Variants in SHKBP1 observed in about 807,000 individuals in gnomAD.
The protein encoded by SHKBP1 is SH3KBP1 binding protein 1, also known as SH3KBP1-binding protein 1.
Under a neutral mutation model 83.9 loss-of-function variants are expected in SHKBP1, and 71 were observed. That is an observed-to-expected ratio of 0.85 (90% CI 0.70 to 1.03). SHKBP1 has a LOEUF of 1.03. SHKBP1 is among the 50% of genes least tolerant of loss of function. SHKBP1 has a pLI of 0.00. For missense variants in SHKBP1, 824 were observed against 982.4 expected, an observed-to-expected ratio of 0.84 and a Z score of 2.16; for synonymous variants, 371 against 398.0, an observed-to-expected ratio of 0.93 and a Z score of 0.81.
Position 40,591,110 on chromosome 19 carries a change from A to G in SHKBP1, c.2027A>G (p.Asp676Gly). ...CAGGAACTGGTGCGGAGTGGGCCAG[A>G]CCTCCGACGGCCACCCACACCAGCC... ...RCQELVRSGP[D>G]LRRPPTPAPW... Residue 676 changes from aspartate (D) to glycine (G), a missense_variant, in exon 18 of 18, where the codon GAC (aspartate) becomes GGC (glycine). Physicochemically the swap from Asp to Gly is moderately conservative, Grantham distance 94. Around this residue, in one of 3 missense-constraint regions of SHKBP1, gnomAD observed 287 missense variants for 322.9 expected, o/e 0.89. Coordinates refer to ENST00000291842, the MANE Select transcript of SHKBP1 (RefSeq NM_138392.4). 1 of 1,609,178 alleles carries G rather than the reference A, an allele frequency of 6.2e-7. No individual in the cohort carries two copies. Among genetic ancestry groups the G allele is most frequent in the Non-Finnish European group, 8.5e-7 (1 of 1,176,520 alleles).
chr19:40,577,726 T>C lies in SHKBP1; in HGVS notation c.260+96T>C, dbSNP rs746286951. 2.1e-5 allele frequency: 30 copies of C among 1,420,860 alleles called. No individual in the cohort carries two copies. The African/African-American group carries it at 4.1e-4, about 19-fold the overall frequency. The allele number at this position is 1,420,860 out of a possible 1,614,324, so 88.0% of individuals were successfully genotyped here. Reference sequence around the variant, plus strand: ...AATGTCCACGTGAGCTCCATTCTATTAGAATTCTCATTCAGAACCTTGATC... The same window carrying C: ...AATGTCCACGTGAGCTCCATTCTATCAGAATTCTCATTCAGAACCTTGATC... On this transcript the variant is annotated intron_variant, in intron 4 of 17. Transcript: ENST00000291842.
chr19:40,584,856 A>G (rs1005149325), intron 12 of SHKBP1, among the ~76,000 whole-genome samples: 38 of 152,168 alleles, frequency 2.5e-4, no homozygotes, highest in Admixed American at 1.7e-3. Context: ...TCCTATACCT[A>G]TGGATTTGCC....
chr19:40,589,274 GC>G, intron 15 of SHKBP1, 96 bp downstream of exon 15: 1 of 1,245,662 alleles, frequency 8.0e-7, no homozygotes, highest in Non-Finnish European at 1.1e-6. Flanking sequence ...GATCACTGAG[GC>G]CAGAAAGGGG....
intron 10 of SHKBP1, 56 bp from the exon 11 acceptor site, chr19:40,583,342 C>T (rs538517557): frequency 4.7e-5 from 68 of 1,440,596 alleles, no homozygotes; most frequent in South Asian, 2.8e-4. Flanking sequence ...GGGGTCACCA[C>T]GGAAGGAAAG....
chr19:40,577,488 G>C (rs763398064), intron 3 of SHKBP1, 47 bp downstream of exon 3: 2 of 1,614,012 alleles, frequency 1.2e-6, no homozygotes, highest in South Asian at 2.2e-5. Flanking sequence ...GGGGTTGGTA[G>C]GAAGAGGGGC....
chr19:40,588,218 C>A (rs892673350), intron 13 of SHKBP1, among the ~76,000 whole-genome samples: 3 of 152,114 alleles, frequency 2.0e-5, no homozygotes, highest in Non-Finnish European at 2.9e-5. Context: ...ATGGAGGTGA[C>A]AAGGGCAGGA....
rs1225890960 is a variant in SHKBP1 at position 40,582,342 on chromosome 19, C to T, written c.845-9C>T. 8 of 1,611,622 alleles carry T rather than the reference C, an allele frequency of 5.0e-6. No individual in the cohort carries two copies. In the South Asian group the frequency reaches 6.6e-5, roughly 13 times the overall value. On this transcript the variant is annotated splice_polypyrimidine_tract_variant and intron_variant, in intron 9 of 17. Coordinates refer to ENST00000291842, the MANE Select transcript of SHKBP1 (RefSeq NM_138392.4). Reference sequence around the variant, plus strand: ...AGGGTTCCAGCTGAGCCCTTTTTGCCCACTGCAGGGGTCTTTCATCTGGGG... The same window carrying T: ...AGGGTTCCAGCTGAGCCCTTTTTGCTCACTGCAGGGGTCTTTCATCTGGGG...
Position 40,580,387 on chromosome 19 carries a change from C to A in SHKBP1, c.464C>A (p.Pro155Gln). ...LVGPQQLGGR[P>Q]APVRRSNTMP... ...GGGCCTCAGCAGCTAGGAGGACGGC[C>A]AGCCCCTGTCCGACGGAGCAACACG... is the stretch of plus-strand genomic sequence containing the variant. The change falls in exon 7 of 18, where the codon CCA (proline) becomes CAA (glutamine). Residue 155 changes from proline (P) to glutamine (Q), a missense_variant. Around this residue, in one of 3 missense-constraint regions of SHKBP1, gnomAD observed 355 missense variants for 386.4 expected, o/e 0.92. Coordinates refer to ENST00000291842, the MANE Select transcript of SHKBP1 (RefSeq NM_138392.4). 1.2e-6 allele frequency: 2 copies of A among 1,614,224 alleles called. No homozygotes were observed. The highest frequency in any genetic ancestry group is 2.7e-5 in the African/African-American group (2 of 75,064).
At chr19:40,585,238 C>G (rs558316730) in intron 12 of SHKBP1, among the ~76,000 whole-genome samples, 2 of 152,048 alleles carry the variant, frequency 1.3e-5, no homozygotes, top group Non-Finnish European at 2.9e-5. Context: ...TCCTGAACAG[C>G]AGAACCACAG....
At position 40,590,546 on chromosome 19, in the gene SHKBP1, C is replaced by A; in HGVS notation, c.1768+124C>A. On this transcript the variant is annotated intron_variant, in intron 16 of 17. Coordinates refer to ENST00000291842, the MANE Select transcript of SHKBP1 (RefSeq NM_138392.4). The surrounding 1 kb of genome is among the most constrained non-coding windows in gnomAD (Gnocchi z 4.6). ...CCTCTGACCCCTTTTCCTTTGACCC[C>A]CTCTCTGCTCCCCATCCCTTCCTGC... 7.8e-7 allele frequency: 1 copy of A among 1,281,024 alleles called. No individual in the cohort carries two copies. Among genetic ancestry groups the A allele is most frequent in the Admixed American group, 2.3e-5 (1 of 44,020 alleles). 79.4% of individuals were successfully genotyped at this position (1,281,024 alleles called of 1,614,324 possible). A position where few individuals can be genotyped will look rare whatever the true frequency, so the allele number is the denominator to read the frequency against.
rs2081265152 is a variant in SHKBP1, at chr19:40,580,939, AT to A, written c.844+4del. ...GGAAGGCGGTGGCTCCGAGATAGGT[AT>A]GACCCCAAGCCTTTTCCAGAACCCT... On this transcript the variant is annotated splice_donor_region_variant and intron_variant, in intron 9 of 17. Coordinates refer to ENST00000291842, the MANE Select transcript of SHKBP1 (RefSeq NM_138392.4). The A allele has an allele frequency of 6.5e-7, 1 of 1,545,510 alleles. No homozygotes were observed. The highest frequency in any genetic ancestry group is 1.4e-5 in the African/African-American group (1 of 72,744).
rs1226604733 is a variant in SHKBP1 at position 40,591,161 on chromosome 19, C to G, written c.2078C>G (p.Thr693Ser). The G allele has an allele frequency of 1.2e-6, 2 of 1,602,162 alleles. No individual in the cohort carries two copies. Among genetic ancestry groups the G allele is most frequent in the Admixed American group, 1.7e-5 (1 of 59,748 alleles). Reference protein sequence around the residue: ...PAPWPSSGLGTPLTPPKMKLN... With the variant: ...PAPWPSSGLGSPLTPPKMKLN... ...CCGTGGCCCTCCAGCGGTCTCGGCA[C>G]TCCCCTCACACCTCCCAAGATGAAG... Residue 693 changes from threonine (T) to serine (S), a missense_variant, in exon 18 of 18, where the codon ACT becomes AGT. By Grantham distance (58) the Thr-to-Ser change is moderately conservative (BLOSUM62 1). This residue lies in a region of SHKBP1 where 287 missense variants were observed against 322.9 expected (regional missense o/e 0.89). Coordinates refer to ENST00000291842, the MANE Select transcript of SHKBP1 (RefSeq NM_138392.4).
rs763118955 is a variant in SHKBP1 at position 40,590,235 on chromosome 19, A to AC, written c.1590-3dup. 6.4e-7 allele frequency: 1 copy of AC among 1,559,498 alleles called. No homozygotes were observed. The highest frequency in any genetic ancestry group is 8.7e-7 in the Non-Finnish European group (1 of 1,152,652). ...CGAGGGTGACCACCTCCCCCACTGC[A>AC]CCCCCCAGGGTGTGCTCCGTGCGCT... On this transcript the variant is annotated splice_polypyrimidine_tract_variant and intron_variant, in intron 15 of 17. Coordinates refer to ENST00000291842, the MANE Select transcript of SHKBP1 (RefSeq NM_138392.4). This position sits in a 1 kb window ranked among gnomAD's most constrained non-coding sequence, Gnocchi z 4.6.
Position 40,578,513 on chromosome 19 carries a change from T to G in SHKBP1, c.371T>G (p.Val124Gly), listed in dbSNP as rs1471186077. Residue 124 changes from valine (V) to glycine (G), a missense_variant, in exon 6 of 18, where the codon GTC becomes GGC. Val to Gly is a moderately radical substitution (Grantham distance 109). Around this residue, in one of 3 missense-constraint regions of SHKBP1, gnomAD observed 355 missense variants for 386.4 expected, o/e 0.92. Transcript: ENST00000291842. ...EELDRSSCGN[V>G]LFNGYLPPPV... ...TTGGATCGATCTTCTTGTGGAAACG[T>G]CCTCTTCAATGGTTACCTGCCGCCA... 6.2e-7 allele frequency: 1 copy of G among 1,614,106 alleles called. No homozygotes were observed. Among genetic ancestry groups the G allele is most frequent in the Non-Finnish European group, 8.5e-7 (1 of 1,180,038 alleles).
chr19:40,578,089 C>T, intron 4 of SHKBP1, 65 bp from the exon 5 acceptor site: 1 of 1,340,440 alleles, frequency 7.5e-7, no homozygotes, highest in Non-Finnish European at 1.1e-6. Context: ...TGAAAATTAC[C>T]CTCTCAGCAT....
rs372396669 is a variant in SHKBP1, at chr19:40,588,244, G to A, written c.1337-380G>A. Among the ~76,000 whole-genome samples, 20 of 152,280 alleles carry A rather than the reference G, an allele frequency of 1.3e-4. 1 individual carries two copies. In the South Asian group the frequency reaches 1.4e-3, roughly 11 times the overall value. On this transcript the variant is annotated intron_variant, in intron 13 of 17. Transcript: ENST00000291842. ...AAGGGCAGGAGCCACAGAGGGCTCCGAGCAGGGGAGGGACATGACTAGCTT... is the reference window on the plus strand; with the variant it reads ...AAGGGCAGGAGCCACAGAGGGCTCCAAGCAGGGGAGGGACATGACTAGCTT...
At chr19:40,581,234 G>A (rs374944965) in intron 9 of SHKBP1, among the ~76,000 whole-genome samples, 2 of 152,112 alleles carry the variant, frequency 1.3e-5, no homozygotes, top group African/African-American at 4.8e-5. Flanking sequence ...GACTTGGCCC[G>A]GTGCGGTGGC....
At chr19:40,586,715 C>T (rs999509301) in intron 12 of SHKBP1, 59 bp from the exon 13 acceptor site, 1 of 1,425,636 alleles carries the variant, frequency 7.0e-7, no homozygotes, top group African/African-American at 1.5e-5. Flanking sequence ...TTCTTTCTCC[C>T]TGCCCTGGTT....
At chr19:40,581,074 G>T in intron 9 of SHKBP1, 138 bp downstream of exon 9, 1 of 834,096 alleles carries the variant, frequency 1.2e-6, no homozygotes, top group Non-Finnish European at 1.7e-6. Flanking sequence ...GAATGCTCCA[G>T]CCCTTCAGAA....
Sources: gnomAD v4.1 joint callset for allele counts (sites outside exome capture counted in the v4.1 genomes callset) on GRCh38, gnomAD v4.1.1 for gene constraint, gnomAD v4.1.1 regional missense constraint, Gnocchi (gnomAD v3.1) non-coding constraint, MANE v1.5 for transcripts, NCBI Gene and HGNC (gene_info 2026-07-23, HGNC 2026-07-21) for gene names.